The following UNC13C variants were observed in gnomAD, a reference collection of about 807,000 sequenced individuals.
UNC13C encodes unc-13 homolog C.
In UNC13C, 174 loss-of-function variants were observed where a neutral mutation model predicts 245.4. That is an observed-to-expected ratio of 0.71 (90% CI 0.63 to 0.80). The LOEUF is 0.80. UNC13C is among the 30% of genes least tolerant of loss of function. UNC13C has a pLI of 0.00. For synonymous variants in UNC13C, 992 were observed against 895.1 expected, an observed-to-expected ratio of 1.11 and a Z score of -1.93; for missense variants, 2,829 against 2,602.9, an observed-to-expected ratio of 1.09 and a Z score of -1.89.
rs572218269 is a variant in UNC13C, at chr15:54,508,129, C to A, written c.5379+935C>A. On this transcript the variant is annotated intron_variant, in intron 23 of 32. Coordinates refer to ENST00000260323, the MANE Select transcript of UNC13C (RefSeq NM_001080534.3). ...TATTAGAACTTTTTGACAACTCAAA[C>A]AATTATTTCTTATTGCTATTGATTA... Among the ~76,000 whole-genome samples the A allele has an allele frequency of 9.9e-5, 15 of 151,554 alleles. No homozygotes were observed. In the South Asian group the frequency reaches 3.0e-3, roughly 30 times the overall value.
intron 4 of UNC13C, among the ~76,000 whole-genome samples, chr15:54,173,859 C>T (rs2033510353): frequency 6.6e-6 from 1 of 151,908 alleles, no homozygotes; most frequent in Admixed American, 6.6e-5. Context: ...CTCAGAGTTG[C>T]CCTTTATTAA....
chr15:54,473,568 C>A (rs79399800), intron 19 of UNC13C, among the ~76,000 whole-genome samples: 2 of 151,654 alleles, frequency 1.3e-5, no homozygotes, highest in African/African-American at 4.8e-5. Flanking sequence ...ATGAAATCAG[C>A]GATTTTAGCT....
intron 17 of UNC13C, among the ~76,000 whole-genome samples, chr15:54,388,036 C>G (rs1012530291): frequency 4.6e-5 from 7 of 152,064 alleles, no homozygotes; most frequent in Non-Finnish European, 1.0e-4. Flanking sequence ...CTCTCCTAGA[C>G]CTCCTCATTT....
chr15:54,293,851 G>C (rs1222961606), intron 10 of UNC13C, 44 bp from the exon 11 acceptor site: 2 of 1,442,258 alleles, frequency 1.4e-6, no homozygotes, highest in Admixed American at 2.7e-5. Flanking sequence ...ATGGAATTTA[G>C]AGCAGTTTTC....
Position 54,143,662 on chromosome 15 carries a change from T to G in UNC13C, c.3049T>G (p.Ser1017Ala), listed in dbSNP as rs771589811. ...SGNDLDASKF[S>A]ALQVCGGAGG... is the part of the protein sequence containing the mutation. The stretch of plus-strand genomic sequence containing the variant: ...CAATGATTTGGATGCTTCCAAATTT[T>G]CTGCACTCCAGGTGTGTGGTGGGTA... Residue 1017 changes from serine to alanine, a missense_variant, in exon 4 of 33, where the codon TCT becomes GCT. By Grantham distance (99) the Ser-to-Ala change is moderately conservative (BLOSUM62 1). Coordinates refer to ENST00000260323, the MANE Select transcript of UNC13C (RefSeq NM_001080534.3). 7.4e-6 allele frequency: 12 copies of G among 1,613,476 alleles called. No homozygotes were observed. The highest frequency in any genetic ancestry group is 9.3e-6 in the Non-Finnish European group (11 of 1,179,496).
At chr15:54,412,373 C>A (rs1469538325) in intron 18 of UNC13C, among the ~76,000 whole-genome samples, 1 of 152,096 alleles carries the variant, frequency 6.6e-6, no homozygotes, top group Non-Finnish European at 1.5e-5. Context: ...GAGGCAAGAG[C>A]ACAGGAGGGA....
At chr15:53,860,162 T>C in the UNC13C span, among the ~76,000 whole-genome samples, 1 of 152,210 alleles carries the variant, frequency 6.6e-6, no homozygotes, top group African/African-American at 2.4e-5. Flanking sequence ...TATATAGTTA[T>C]CTCTTTGTCT....
At chr15:54,275,476 T>C (rs1034114909) in intron 10 of UNC13C, among the ~76,000 whole-genome samples, 1 of 152,184 alleles carries the variant, frequency 6.6e-6, no homozygotes, top group African/African-American at 2.4e-5. Context: ...TTTATAATTG[T>C]ATATGATATA....
intron 4 of UNC13C, among the ~76,000 whole-genome samples, chr15:54,234,082 CTG>C (rs2035623717): frequency 6.6e-6 from 1 of 151,258 alleles, no homozygotes; most frequent in Non-Finnish European, 1.5e-5. Flanking sequence ...TATTTAAAAA[CTG>C]AATATTATCA....
intron 1 of UNC13C, among the ~76,000 whole-genome samples, chr15:54,006,853 T>C (rs568681987): frequency 1.3e-5 from 2 of 152,290 alleles, no homozygotes; most frequent in African/African-American, 4.8e-5. Context: ...TTGCTGTGTT[T>C]GGAGGAGCCT....
intron 18 of UNC13C, among the ~76,000 whole-genome samples, chr15:54,402,406 A>G (rs1400727121): frequency 6.6e-6 from 1 of 152,178 alleles, no homozygotes; most frequent in African/African-American, 2.4e-5. Context: ...CTTACCAATA[A>G]TTATACTAAT....
chr15:53,876,243 A>G, the UNC13C span, among the ~76,000 whole-genome samples: 2 of 152,208 alleles, frequency 1.3e-5, no homozygotes, highest in African/African-American at 4.8e-5. Context: ...ATTCACTGGT[A>G]TCTCTGGTTT....
upstream of UNC13C, among the ~76,000 whole-genome samples, chr15:53,977,124 A>G (rs1893734745): frequency 6.6e-6 from 1 of 152,138 alleles, no homozygotes; most frequent in Non-Finnish European, 1.5e-5. Context: ...GCAGCTGCTC[A>G]GGTCCATTAA....
chr15:54,199,783 AC>A (rs1221219895), intron 4 of UNC13C, among the ~76,000 whole-genome samples: 6 of 152,202 alleles, frequency 3.9e-5, no homozygotes, highest in African/African-American at 1.4e-4. Flanking sequence ...CACAATGAAA[AC>A]AAAAACCAAG....
At chr15:54,060,592 A>G (rs1897772088) in intron 2 of UNC13C, among the ~76,000 whole-genome samples, 6 of 152,126 alleles carry the variant, frequency 3.9e-5, no homozygotes, top group Admixed American at 3.9e-4. Flanking sequence ...TAGAAATACC[A>G]TTTGACCCAG....
At chr15:54,165,896 G>T (rs2033147320) in intron 4 of UNC13C, among the ~76,000 whole-genome samples, 2 of 151,354 alleles carry the variant, frequency 1.3e-5, no homozygotes. Context: ...AGGTCAAAAT[G>T]CATCTCATTT....
intron 2 of UNC13C, among the ~76,000 whole-genome samples, chr15:54,104,883 G>C (rs1248485686): frequency 6.6e-6 from 1 of 152,086 alleles, no homozygotes; most frequent in Non-Finnish European, 1.5e-5. Context: ...ATTCTCTGCT[G>C]GGCTTTGGTA....
Position 54,001,463 on chromosome 15 carries a change from T to TA in UNC13C, c.-256-11179dup, listed in dbSNP as rs764256020. 5.9e-5 allele frequency among the ~76,000 whole-genome samples: 9 copies of TA among 152,224 alleles called. No individual in the cohort carries two copies. The South Asian group carries it at 1.0e-3, about 18-fold the overall frequency. On this transcript the variant is annotated intron_variant, in intron 1 of 32. Coordinates refer to ENST00000260323, the MANE Select transcript of UNC13C (RefSeq NM_001080534.3). ...AATTAGTGTGAAATTTACTATACCT[T>TA]AAAAAATAGACTAATGCAACTGAGC...
intron 30 of UNC13C, among the ~76,000 whole-genome samples, chr15:54,569,397 A>AT (rs1173152362): frequency 6.6e-6 from 1 of 151,626 alleles, no homozygotes; most frequent in African/African-American, 2.4e-5. Context: ...AGTATGTAGA[A>AT]TATGAAAAAT....
Sources: allele counts gnomAD v4.1 joint callset (sites outside exome capture counted in the v4.1 genomes callset), GRCh38; gene constraint gnomAD v4.1.1; transcripts MANE v1.5; gene names NCBI Gene and HGNC (gene_info 2026-07-23, HGNC 2026-07-21).